CDC42SE2: variants seen among roughly 807,000 people sequenced by gnomAD.
CDC42SE2 encodes CDC42 small effector 2.
CDC42SE2 carries 3 observed loss-of-function variants against 11.5 expected under a neutral mutation model. The ratio of observed to expected loss-of-function variants is 0.26; its 90% CI spans 0.12 to 0.67. CDC42SE2 has a LOEUF of 0.67. Ranked by LOEUF, CDC42SE2 falls within the 30% of genes least tolerant of loss-of-function variation. The pLI, the probability that CDC42SE2 is intolerant of heterozygous loss-of-function variation, is 0.80. For synonymous variants in CDC42SE2, 33 were observed against 34.8 expected (o/e 0.95, Z 0.18); for missense variants, 82 against 106.8 (o/e 0.77, Z 1.02).
chr5:131,341,606 A>G (rs550062956), intron 2 of CDC42SE2, among the ~76,000 whole-genome samples: 1 of 151,074 alleles, frequency 6.6e-6, no homozygotes, highest in African/African-American at 2.5e-5. Context: ...AGCAGTTAGG[A>G]TTGAAGCAAG....
At chr5:131,327,155 A>G (rs937175574) in intron 2 of CDC42SE2, among the ~76,000 whole-genome samples, 1 of 152,088 alleles carries the variant, frequency 6.6e-6, no homozygotes, top group Non-Finnish European at 1.5e-5. Context: ...TTCATTGGGT[A>G]AGTTGAAATT....
At position 131,350,607 on chromosome 5, in the gene CDC42SE2, T is replaced by TTGTGTG. The variant is rs753402237; in HGVS notation, c.-285-8576_-285-8571dup. 9.9e-3 allele frequency among the ~76,000 whole-genome samples: 1,408 copies of TTGTGTG among 141,760 alleles called. 21 individuals are homozygous for TTGTGTG. Among genetic ancestry groups the TTGTGTG allele is most frequent in the African/African-American group, 0.034 (1,228 of 36,470 alleles). The allele number at this position is 141,760 out of a possible 152,430, so 93.0% of individuals were successfully genotyped here. Reference sequence around the variant, plus strand: ...TAAAAGTGATACAACAAAATTTATTTTGTGTGTGTGTGTGTGTGTGTGTGT... The same window carrying TTGTGTG: ...TAAAAGTGATACAACAAAATTTATTTTGTGTGTGTGTGTGTGTGTGTGTGTGTGTGT... On this transcript the variant is annotated intron_variant, in intron 2 of 4. Transcript: ENST00000505065.
chr5:131,252,734 G>A (rs1225587912), intron 1 of CDC42SE2, among the ~76,000 whole-genome samples: 2 of 152,134 alleles, frequency 1.3e-5, no homozygotes, highest in East Asian at 3.9e-4. Context: ...GGGCCCACAT[G>A]CACCCTTCCT....
At chr5:131,304,106 T>C (rs1182822471) in intron 1 of CDC42SE2, among the ~76,000 whole-genome samples, 1 of 152,006 alleles carries the variant, frequency 6.6e-6, no homozygotes, top group Non-Finnish European at 1.5e-5. Flanking sequence ...ACCACAGGCA[T>C]GCACCACCAT....
intron 1 of CDC42SE2, among the ~76,000 whole-genome samples, chr5:131,273,996 T>G (rs570173656): frequency 1.1e-3 from 162 of 152,170 alleles, no homozygotes; most frequent in African/African-American, 3.8e-3. Context: ...CAGGCTGGTC[T>G]TGGGCTCAAG....
At chr5:131,283,660 A>T (rs1299178708) in intron 1 of CDC42SE2, among the ~76,000 whole-genome samples, 1 of 151,708 alleles carries the variant, frequency 6.6e-6, no homozygotes, top group East Asian at 1.9e-4. Flanking sequence ...TGCCTGGCTA[A>T]TTTTGTATTT....
chr5:131,295,683 A>G (rs578023595), intron 1 of CDC42SE2, among the ~76,000 whole-genome samples: 5 of 149,232 alleles, frequency 3.4e-5, no homozygotes, highest in Non-Finnish European at 6.0e-5. Flanking sequence ...AGGGTGAAAC[A>G]CTTTTTTTTT....
chr5:131,390,946 A>G (rs763376016), intron 4 of CDC42SE2, 47 bp from the exon 5 acceptor site: 3 of 1,287,676 alleles, frequency 2.3e-6, no homozygotes, highest in Non-Finnish European at 2.2e-6. Flanking sequence ...CACCGGACCT[A>G]CTTCCTGACT....
intron 2 of CDC42SE2, among the ~76,000 whole-genome samples, chr5:131,340,674 ATTGT>A (rs1240844469): frequency 9.9e-5 from 14 of 141,342 alleles, no homozygotes; most frequent in African/African-American, 3.9e-4. Flanking sequence ...TTACTGAAAA[ATTGT>A]TTGAGTATCT....
In CDC42SE2 at chr5:131,385,556, G is replaced by A. The variant is rs569441900; in HGVS notation, c.68G>A (p.Arg23Gln). 7.4e-5 allele frequency: 120 copies of A among 1,613,154 alleles called. No individual in the cohort carries two copies. The highest frequency in any genetic ancestry group is 6.7e-4 in the Admixed American group (40 of 59,940). The change falls in exon 4 of 5, where the codon CGG becomes CAG. Residue 23 changes from arginine (R) to glutamine (Q), a missense_variant. Arg to Gln is a conservative substitution (Grantham distance 43, BLOSUM62 1). Transcript: ENST00000505065. ...AEQPQPKRRRRIDRSMIGEPT... is the reference protein window; with the variant it reads ...AEQPQPKRRRQIDRSMIGEPT... The stretch of plus-strand genomic sequence containing the variant: ...CCCATATTTTAGAAAAGGCGACGGC[G>A]GATTGACAGAAGTATGATTGGAGAG...
At chr5:131,390,045 A>ATATC (rs1413821431) in intron 4 of CDC42SE2, among the ~76,000 whole-genome samples, 1 of 152,216 alleles carries the variant, frequency 6.6e-6, no homozygotes, top group African/African-American at 2.4e-5. Flanking sequence ...CAATTTTCAT[A>ATATC]TATCTTGCAC....
chr5:131,278,421 G>A (rs1757148548), intron 1 of CDC42SE2, among the ~76,000 whole-genome samples: 2 of 151,996 alleles, frequency 1.3e-5, no homozygotes, highest in Admixed American at 1.3e-4. Flanking sequence ...AGGAACTGTT[G>A]TGATGATTCT....
chr5:131,329,629 A>G (rs1274665277), intron 2 of CDC42SE2, among the ~76,000 whole-genome samples: 1 of 152,090 alleles, frequency 6.6e-6, no homozygotes, highest in Non-Finnish European at 1.5e-5. Flanking sequence ...CTGTAATCCT[A>G]GCACTGTGGG....
chr5:131,249,053 T>C (rs1474147472), intron 1 of CDC42SE2, among the ~76,000 whole-genome samples: 2 of 145,482 alleles, frequency 1.4e-5, no homozygotes, highest in East Asian at 4.0e-4. Flanking sequence ...ACTCTTGCTC[T>C]GTTGCCCAGG....
At chr5:131,224,930 G>A in the CDC42SE2 span, among the ~76,000 whole-genome samples, 2 of 151,890 alleles carry the variant, frequency 1.3e-5, no homozygotes. Context: ...GCCCATGTGG[G>A]GGTGCCCAGC....
chr5:131,210,417 CCTT>C, the CDC42SE2 span, among the ~76,000 whole-genome samples: 3 of 152,284 alleles, frequency 2.0e-5, no homozygotes, highest in South Asian at 2.1e-4. Flanking sequence ...CTTCTTGAAT[CCTT>C]CTTCCTTTTT....
At chr5:131,319,081 T>G (rs1168792412) in intron 2 of CDC42SE2, among the ~76,000 whole-genome samples, 7 of 152,050 alleles carry the variant, frequency 4.6e-5, no homozygotes, top group Non-Finnish European at 1.0e-4. Flanking sequence ...TTTTTTGTAT[T>G]TTTAGTAGAG....
At chr5:131,364,638 T>C (rs1268823398) in intron 3 of CDC42SE2, among the ~76,000 whole-genome samples, 1 of 152,256 alleles carries the variant, frequency 6.6e-6, no homozygotes, top group Non-Finnish European at 1.5e-5. Flanking sequence ...CAAACCATAC[T>C]GCACACTGTA....
chr5:131,293,398 C>T (rs751086170), intron 1 of CDC42SE2, among the ~76,000 whole-genome samples: 3 of 152,070 alleles, frequency 2.0e-5, no homozygotes, highest in African/African-American at 7.2e-5. Flanking sequence ...ATGGTGAAAC[C>T]CTGTTTCTAC....
Sources: allele counts gnomAD v4.1 joint callset (sites outside exome capture counted in the v4.1 genomes callset), GRCh38; gene constraint gnomAD v4.1.1; transcripts MANE v1.5; gene names NCBI Gene and HGNC (gene_info 2026-07-23, HGNC 2026-07-21).